The following COL23A1 variants were observed in gnomAD, a reference collection of about 807,000 sequenced individuals.
The protein encoded by COL23A1 is collagen alpha-1(XXIII) chain.
COL23A1 carries 97 observed loss-of-function variants against 99.3 expected under a neutral mutation model. The observed-to-expected ratio is 0.98, with a 90% confidence interval of 0.83 to 1.16. COL23A1 has a LOEUF of 1.16. Ranked by LOEUF, COL23A1 falls within the 50% of genes most tolerant of loss-of-function variation. COL23A1 has a pLI of 0.00. For missense variants in COL23A1, 762 were observed against 757.4 expected (o/e 1.01, Z -0.07); for synonymous variants, 320 against 308.2 (o/e 1.04, Z -0.40).
chr5:178,325,085 G>A, intron 2 of COL23A1, among the ~76,000 whole-genome samples: 1 of 152,236 alleles, frequency 6.6e-6, no homozygotes, highest in East Asian at 1.9e-4. Flanking sequence ...CCCGCTCAAA[G>A]TCACGCAGTC....
chr5:178,546,674 G>A (rs1417687131), intron 2 of COL23A1, among the ~76,000 whole-genome samples: 1 of 152,222 alleles, frequency 6.6e-6, no homozygotes. Context: ...ATGCAAGGAT[G>A]AAGGGAAAAC....
At chr5:178,515,559 G>C (rs759546446) in intron 2 of COL23A1, among the ~76,000 whole-genome samples, 4 of 152,108 alleles carry the variant, frequency 2.6e-5, no homozygotes, top group African/African-American at 9.7e-5. Flanking sequence ...TGCCCATCCT[G>C]GTGCACTCAG....
At chr5:178,483,628 G>T (rs926804542) in intron 2 of COL23A1, among the ~76,000 whole-genome samples, 3 of 152,180 alleles carry the variant, frequency 2.0e-5, no homozygotes, top group Non-Finnish European at 4.4e-5. Flanking sequence ...AAACCACAAG[G>T]CATGTTCAGA....
At chr5:178,475,900 T>G (rs568005078) in intron 2 of COL23A1, among the ~76,000 whole-genome samples, 1 of 152,322 alleles carries the variant, frequency 6.6e-6, no homozygotes, top group South Asian at 2.1e-4. Flanking sequence ...AGGCCTCTAA[T>G]TCTTCGAATT....
At chr5:178,463,363 T>G (rs1017028129) in intron 2 of COL23A1, among the ~76,000 whole-genome samples, 1 of 152,232 alleles carries the variant, frequency 6.6e-6, no homozygotes, top group African/African-American at 2.4e-5. Flanking sequence ...GGTCAAGATG[T>G]ATGTGGATTT....
chr5:178,533,708 A>G (rs1760779161), intron 2 of COL23A1, among the ~76,000 whole-genome samples: 1 of 152,094 alleles, frequency 6.6e-6, no homozygotes, highest in African/African-American at 2.4e-5. Flanking sequence ...CATATTGGAC[A>G]AGCTGGTCTT....
Position 178,249,107 on chromosome 5 carries a change from A to G in COL23A1, c.1149+10T>C. On this transcript the variant is annotated intron_variant, in intron 19 of 28. Coordinates refer to ENST00000390654, the MANE Select transcript of COL23A1 (RefSeq NM_173465.4). ...GGAGGCGTAATGTGTGGCCCAACCC[A>G]GCCACATACCGGGAGGCCGGACAAG... The G allele has an allele frequency of 1.2e-6, 2 of 1,613,160 alleles. No individual in the cohort carries two copies. Among genetic ancestry groups the G allele is most frequent in the African/African-American group, 2.7e-5 (2 of 75,042 alleles).
chr5:178,277,396 C>T (rs1756650888), intron 5 of COL23A1, among the ~76,000 whole-genome samples: 1 of 152,182 alleles, frequency 6.6e-6, no homozygotes, highest in Non-Finnish European at 1.5e-5. Flanking sequence ...AACCCCAAAC[C>T]AAATGAATTA....
chr5:178,497,152 G>A (rs1296034378), intron 2 of COL23A1, among the ~76,000 whole-genome samples: 4 of 152,156 alleles, frequency 2.6e-5, no homozygotes, highest in African/African-American at 4.8e-5. Context: ...AGAAGCAAAT[G>A]GTTTGTCAAG....
At chr5:178,504,698 G>A (rs981443572) in intron 2 of COL23A1, among the ~76,000 whole-genome samples, 3 of 152,234 alleles carry the variant, frequency 2.0e-5, no homozygotes, top group Non-Finnish European at 2.9e-5. Flanking sequence ...GCATGTGTGA[G>A]GCGAAGTGCG....
intron 2 of COL23A1, among the ~76,000 whole-genome samples, chr5:178,522,630 T>C (rs1195613409): frequency 1.3e-5 from 2 of 152,122 alleles, no homozygotes; most frequent in African/African-American, 2.4e-5. Flanking sequence ...GGGCAGGCAA[T>C]GCGCTTGTAT....
chr5:178,448,914 T>TG (rs144263808), intron 2 of COL23A1, among the ~76,000 whole-genome samples: 10,406 of 151,882 alleles, frequency 0.069, 427 homozygotes, highest in Middle Eastern at 0.17. Flanking sequence ...AATAAAGTTT[T>TG]TTTTTTTTTT....
intron 2 of COL23A1, among the ~76,000 whole-genome samples, chr5:178,546,905 G>A (rs1761611649): frequency 6.6e-6 from 1 of 152,142 alleles, no homozygotes; most frequent in South Asian, 2.1e-4. Flanking sequence ...CAGCACAAGG[G>A]GCCTGTGTGA....
intron 5 of COL23A1, among the ~76,000 whole-genome samples, chr5:178,282,328 C>T (rs983263648): frequency 1.3e-5 from 2 of 152,190 alleles, no homozygotes; most frequent in Non-Finnish European, 2.9e-5. Context: ...AGCAGGAAAG[C>T]ATCCTAACAC....
intron 27 of COL23A1, among the ~76,000 whole-genome samples, chr5:178,240,523 C>T (rs754371636): frequency 4.0e-4 from 61 of 152,316 alleles, no homozygotes; most frequent in Non-Finnish European, 6.9e-4. Flanking sequence ...CTCCGGCCTC[C>T]GCACGTGGGA....
At position 178,439,119 on chromosome 5, in the gene COL23A1, G is replaced by C. The variant is rs1358067957; in HGVS notation, c.361+121563C>G. On this transcript the variant is annotated intron_variant, in intron 2 of 28. Coordinates refer to ENST00000390654, the MANE Select transcript of COL23A1 (RefSeq NM_173465.4). This position sits in a 1 kb window ranked among gnomAD's most constrained non-coding sequence, Gnocchi z 4.2. ...CAGGACCCAGCCAGCAGATTTTAAA[G>C]TTTTCCAGGTGATTCAAAAGGGCAG... 6.6e-6 allele frequency: 1 copy of C among 152,288 alleles called. No individual in the cohort carries two copies. The highest frequency in any genetic ancestry group is 1.5e-5 in the Non-Finnish European group (1 of 68,136). 9.4% of individuals were successfully genotyped at this position (152,288 alleles called of 1,614,324 possible). A position where few individuals can be genotyped will look rare whatever the true frequency, so the allele number is the denominator to read the frequency against.
chr5:178,238,375 G>T lies in COL23A1; in HGVS notation c.*323C>A. 2.6e-6 allele frequency: 1 copy of T among 378,150 alleles called. No homozygotes were observed. The highest frequency in any genetic ancestry group is 3.2e-5 in the South Asian group (1 of 31,404). 23.4% of individuals were successfully genotyped at this position (378,150 alleles called of 1,614,324 possible). A position where few individuals can be genotyped will look rare whatever the true frequency, so the allele number is the denominator to read the frequency against. Reference sequence around the variant, plus strand: ...TTACAGGGCAGTACCACAGCTGAGAGTCTCTCTGCTGATCAGGTGACTGAA... The same window carrying T: ...TTACAGGGCAGTACCACAGCTGAGATTCTCTCTGCTGATCAGGTGACTGAA... On this transcript the variant is annotated 3_prime_UTR_variant, in exon 29 of 29. Coordinates refer to ENST00000390654, the MANE Select transcript of COL23A1 (RefSeq NM_173465.4).
At chr5:178,367,847 A>T (rs1581243830) in intron 2 of COL23A1, among the ~76,000 whole-genome samples, 2 of 152,182 alleles carry the variant, frequency 1.3e-5, no homozygotes, top group African/African-American at 4.8e-5. Flanking sequence ...ACGGGCTGCC[A>T]CCCTTCAGGC....
In COL23A1 at chr5:178,590,238, T is replaced by C; in HGVS notation, c.-41A>G. The C allele has an allele frequency of 1.7e-6, 2 of 1,204,576 alleles. No individual in the cohort carries two copies. Among genetic ancestry groups the C allele is most frequent in the Non-Finnish European group, 2.1e-6 (2 of 969,278 alleles). The allele number at this position is 1,204,576 out of a possible 1,614,324, so 74.6% of individuals were successfully genotyped here. On this transcript the variant is annotated 5_prime_UTR_variant, in exon 1 of 29. Coordinates refer to ENST00000390654, the MANE Select transcript of COL23A1 (RefSeq NM_173465.4). This position sits in a 1 kb window ranked among gnomAD's most constrained non-coding sequence, Gnocchi z 5.7. ...CGTGGACTCTCCGAGGGGGCGGTGC[T>C]GCTGGGGCAGAGGCTGGGTGCGAGA...
Sources: gnomAD v4.1 joint callset for allele counts (sites outside exome capture counted in the v4.1 genomes callset) on GRCh38, gnomAD v4.1.1 for gene constraint, Gnocchi (gnomAD v3.1) non-coding constraint, MANE v1.5 for transcripts, NCBI Gene and HGNC (gene_info 2026-07-23, HGNC 2026-07-21) for gene names.